B3GNT3: variants seen among roughly 807,000 people sequenced by gnomAD.
The protein encoded by B3GNT3 is N-acetyllactosaminide beta-1,3-N-acetylglucosaminyltransferase 3.
A neutral mutation model predicts 11.6 loss-of-function variants in B3GNT3; 7 were observed. That is an observed-to-expected ratio of 0.60 (90% confidence interval 0.34 to 1.13). B3GNT3 has a LOEUF of 1.13. Ranked by LOEUF, B3GNT3 falls within the 50% of genes most tolerant of loss-of-function variation. B3GNT3 has a pLI of 0.03. For missense variants in B3GNT3, 400 were observed against 507.4 expected (o/e 0.79, Z 2.03); for synonymous variants, 201 against 222.1 (o/e 0.90, Z 0.85).
rs768037922 is a variant in B3GNT3 at position 17,811,639 on chromosome 19, C to T, written c.636C>T (p.Asp212=). The change falls in exon 3 of 3, where the codon GAC becomes GAT. Residue 212 remains aspartate, a synonymous_variant. Coordinates refer to ENST00000318683, the MANE Select transcript of B3GNT3 (RefSeq NM_014256.4). The surrounding 1 kb of genome is among the most constrained non-coding windows in gnomAD (Gnocchi z 4.1). ...GCTTCGTGCTCAACGGGGATGATGA[C>T]GTCTTTGCACACACAGACAACATGG... ...NASFVLNGDD[D]VFAHTDNMVF... 12 of 1,614,104 alleles carry T rather than the reference C, an allele frequency of 7.4e-6. No individual in the cohort carries two copies. Among genetic ancestry groups the T allele is most frequent in the South Asian group, 3.3e-5 (3 of 91,096 alleles).
chr19:17,807,111 A>AGTGTGTGTGTGTGTGT (rs56140662), intron 1 of B3GNT3, among the ~76,000 whole-genome samples: 13,573 of 116,074 alleles, frequency 0.12, 1,187 homozygotes, highest in Admixed American at 0.12. Context: ...CAGTGGCCCC[A>AGTGTGTGTGTGTGTGT]GTGTGTGTGT....
At chr19:17,806,040 T>G (rs1280657589) in intron 1 of B3GNT3, among the ~76,000 whole-genome samples, 1 of 152,134 alleles carries the variant, frequency 6.6e-6, no homozygotes, top group Non-Finnish European at 1.5e-5. Context: ...TGATCATAGC[T>G]CACTGCAGCC....
chr19:17,811,100 G>A lies in B3GNT3; in HGVS notation c.568-471G>A, dbSNP rs766997980. ...GTAGCGGCATGTGTCTGTAGTACCA[G>A]CTACTTGGGAGGCTGAGGTGGAAGG... On this transcript the variant is annotated intron_variant, in intron 2 of 2. Transcript: ENST00000318683. This position sits in a 1 kb window ranked among gnomAD's most constrained non-coding sequence, Gnocchi z 4.1. Among the ~76,000 whole-genome samples, 5 of 151,900 alleles carry A rather than the reference G, an allele frequency of 3.3e-5. No homozygotes were observed. Among genetic ancestry groups the A allele is most frequent in the Admixed American group, 6.6e-5 (1 of 15,214 alleles).
At chr19:17,801,718 A>G (rs2094166445) in intron 1 of B3GNT3, among the ~76,000 whole-genome samples, 1 of 152,074 alleles carries the variant, frequency 6.6e-6, no homozygotes. Context: ...TCTTGGGCTC[A>G]AGTGATCCTC....
intron 1 of B3GNT3, among the ~76,000 whole-genome samples, chr19:17,804,234 TTTTTTC>T (rs2094169888): frequency 7.0e-6 from 1 of 143,152 alleles, no homozygotes; most frequent in African/African-American, 2.6e-5. Flanking sequence ...TTTCTTTCTT[TTTTTTC>T]TTTTTTTTTT....
chr19:17,807,087 T>C, intron 1 of B3GNT3, among the ~76,000 whole-genome samples: 1 of 123,860 alleles, frequency 8.1e-6, no homozygotes, highest in South Asian at 2.6e-4. Flanking sequence ...TCAAGCCCTT[T>C]TGCAGTCAGG....
intron 1 of B3GNT3, among the ~76,000 whole-genome samples, chr19:17,804,688 C>T (rs988588625): frequency 3.8e-4 from 57 of 151,576 alleles, no homozygotes; most frequent in African/African-American, 1.3e-3. Context: ...CAGGCATGAG[C>T]CATGAGCCAC....
intron 1 of B3GNT3, among the ~76,000 whole-genome samples, chr19:17,799,153 C>T (rs767108039): frequency 7.9e-5 from 12 of 152,090 alleles, no homozygotes; most frequent in East Asian, 3.9e-4. Flanking sequence ...TGCCTTTTGG[C>T]GGCCTCAGAA....
At chr19:17,795,769 T>C (rs965290266) in intron 1 of B3GNT3, among the ~76,000 whole-genome samples, 1 of 152,186 alleles carries the variant, frequency 6.6e-6, no homozygotes, top group African/African-American at 2.4e-5. Flanking sequence ...ATGAACCAGC[T>C]GGGATGAGGA....
chr19:17,808,189 C>T lies in B3GNT3; in HGVS notation c.382C>T (p.Arg128Cys), dbSNP rs2094176204. ...CTATGTGCGCCGCGAGCTGCTGCGG[C>T]GCACGTGGGGCCGCGAGCGCAAGGT... is the stretch of plus-strand genomic sequence containing the variant. ...SNYVRRELLR[R>C]TWGRERKVRG... The change falls in exon 2 of 3, where the codon CGC (arginine) becomes TGC (cysteine). Residue 128 changes from arginine to cysteine, a missense_variant. Coordinates refer to ENST00000318683, the MANE Select transcript of B3GNT3 (RefSeq NM_014256.4). 8 of 1,610,540 alleles carry T rather than the reference C, an allele frequency of 5.0e-6. No individual in the cohort carries two copies. Among genetic ancestry groups the T allele is most frequent in the East Asian group, 2.2e-5 (1 of 44,702 alleles).
chr19:17,799,049 A>G lies in B3GNT3; in HGVS notation c.-51+3843A>G, dbSNP rs551918198. On this transcript the variant is annotated intron_variant, in intron 1 of 2. Transcript: ENST00000318683. ...GGAGAAAAGGCCACTGCTTGGAGCT[A>G]CCACTTGACCCTCTAGCCTTTCCCA... Among the ~76,000 whole-genome samples the G allele has an allele frequency of 3.9e-5, 6 of 152,252 alleles. No homozygotes were observed. The South Asian group carries it at 1.2e-3, about 32-fold the overall frequency.
Position 17,807,976 on chromosome 19 carries a change from G to GC in B3GNT3, c.173dup (p.Ala59GlyfsTer44). On this transcript the variant is annotated frameshift_variant, in exon 2 of 3. Transcript: ENST00000318683. LOFTEE classifies it high-confidence loss of function. ...CTGGCCCACTCCACCCACCCGCCCA[G>GC]CCCCGGCCCCGTGCCATGCCAACAC... is the stretch of plus-strand genomic sequence containing the variant. 1.8e-5 allele frequency: 10 copies of GC among 551,188 alleles called. No homozygotes were observed. Among genetic ancestry groups the GC allele is most frequent in the South Asian group, 2.3e-5 (1 of 43,126 alleles). The allele number at this position is 551,188 out of a possible 1,614,324, so 34.1% of individuals were successfully genotyped here.
At position 17,811,630 on chromosome 19, in the gene B3GNT3, GGAT is replaced by G; in HGVS notation, c.633_635del (p.Asp212del). 6.2e-7 allele frequency: 1 copy of G among 1,614,186 alleles called. No individual in the cohort carries two copies. The highest frequency in any genetic ancestry group is 2.2e-5 in the East Asian group (1 of 44,882). On this transcript the variant is annotated inframe_deletion, in exon 3 of 3. Coordinates refer to ENST00000318683, the MANE Select transcript of B3GNT3 (RefSeq NM_014256.4). The surrounding 1 kb of genome is among the most constrained non-coding windows in gnomAD (Gnocchi z 4.1). ...CCAACGCCAGCTTCGTGCTCAACGG[GGAT>G]GATGACGTCTTTGCACACACAGACA...
rs575116242 is a variant in B3GNT3, at chr19:17,796,268, T to G, written c.-51+1062T>G. 6.8e-4 allele frequency among the ~76,000 whole-genome samples: 104 copies of G among 152,168 alleles called. 1 individual carries two copies. Among genetic ancestry groups the G allele is most frequent in the Middle Eastern group, 3.4e-3 (1 of 294 alleles). On this transcript the variant is annotated intron_variant, in intron 1 of 2. Transcript: ENST00000318683. ...ACAGGCAGCTAATTTTAAAATTTTT[T>G]TGTGTGTGGAGACGGGGTCTCACTA...
intron 2 of B3GNT3, 35 bp downstream of exon 2, chr19:17,808,409 C>T (rs1303003364): frequency 6.4e-7 from 1 of 1,555,406 alleles, no homozygotes; most frequent in Admixed American, 1.9e-5. Context: ...TCGGGGCCAC[C>T]TGTCCTTCTT....
intron 2 of B3GNT3, among the ~76,000 whole-genome samples, chr19:17,810,652 C>T (rs1318139602): frequency 6.6e-6 from 1 of 151,666 alleles, no homozygotes; most frequent in Non-Finnish European, 1.5e-5. Context: ...GAGGCTGAGG[C>T]AGGTGGATCA....
Position 17,812,258 on chromosome 19 carries a change from A to T in B3GNT3, c.*136A>T. 1 of 1,001,102 alleles carries T rather than the reference A, an allele frequency of 1.0e-6. No individual in the cohort carries two copies. Among genetic ancestry groups the T allele is most frequent in the East Asian group, 2.6e-5 (1 of 38,036 alleles). The allele number at this position is 1,001,102 out of a possible 1,614,324, so 62.0% of individuals were successfully genotyped here. A position where few individuals can be genotyped will look rare whatever the true frequency, so the allele number is the denominator to read the frequency against. On this transcript the variant is annotated 3_prime_UTR_variant, in exon 3 of 3. Coordinates refer to ENST00000318683, the MANE Select transcript of B3GNT3 (RefSeq NM_014256.4). ...AAGGTTTGAGGTTTGATGAGTGAAT[A>T]TTCTGGCTGGCGAACTCCTACACAT...
rs1332784962 is a variant in B3GNT3 at position 17,808,164 on chromosome 19, C to T, written c.357C>T (p.Asn119=). The change falls in exon 2 of 3, where the codon AAC becomes AAT. Residue 119 remains asparagine, a synonymous_variant. Transcript: ENST00000318683. ...LLLVIKSSPS[N]YVRRELLRRT... is the part of the protein sequence containing the mutation. Reference sequence around the variant, plus strand: ...TGGTGATCAAGTCCTCCCCTAGCAACTATGTGCGCCGCGAGCTGCTGCGGC... The same window carrying T: ...TGGTGATCAAGTCCTCCCCTAGCAATTATGTGCGCCGCGAGCTGCTGCGGC... The T allele has an allele frequency of 6.2e-7, 1 of 1,611,782 alleles. No homozygotes were observed. Among genetic ancestry groups the T allele is most frequent in the Non-Finnish European group, 8.5e-7 (1 of 1,178,750 alleles).
chr19:17,812,288 C>T lies in B3GNT3; in HGVS notation c.*166C>T. On this transcript the variant is annotated 3_prime_UTR_variant, in exon 3 of 3. Coordinates refer to ENST00000318683, the MANE Select transcript of B3GNT3 (RefSeq NM_014256.4). ...GGCTGGCGAACTCCTACACATCCTT[C>T]AAAACCCACCTGGTACTGTTCCAGC... The T allele has an allele frequency of 1.5e-6, 1 of 675,242 alleles. No homozygotes were observed. Among genetic ancestry groups the T allele is most frequent in the Non-Finnish European group, 2.4e-6 (1 of 408,692 alleles). 41.8% of individuals were successfully genotyped at this position (675,242 alleles called of 1,614,324 possible). A position where few individuals can be genotyped will look rare whatever the true frequency, so the allele number is the denominator to read the frequency against.
Sources: gnomAD v4.1 joint callset for allele counts (sites outside exome capture counted in the v4.1 genomes callset) on GRCh38, gnomAD v4.1.1 for gene constraint, Gnocchi (gnomAD v3.1) non-coding constraint, MANE v1.5 for transcripts, NCBI Gene and HGNC (gene_info 2026-07-23, HGNC 2026-07-21) for gene names.